Variants in KCTD8 observed in about 807,000 individuals in gnomAD.
The protein encoded by KCTD8 is potassium channel tetramerization domain containing 8, also known as BTB/POZ domain-containing protein KCTD8.
Under a neutral mutation model 31.5 loss-of-function variants are expected in KCTD8, and 27 were observed. The ratio of observed to expected loss-of-function variants is 0.86; its 90% CI spans 0.63 to 1.18. KCTD8 has a LOEUF of 1.18. Among genes scored for constraint, KCTD8 ranks in the 50% most tolerant of loss-of-function variants. The pLI is 0.00. For missense variants in KCTD8, 658 were observed against 647.7 expected (o/e 1.02, Z -0.17); for synonymous variants, 290 against 280.0 (o/e 1.04, Z -0.36).
At chr4:44,383,316 A>G (rs989253741) in intron 1 of KCTD8, among the ~76,000 whole-genome samples, 1 of 152,016 alleles carries the variant, frequency 6.6e-6, no homozygotes, top group African/African-American at 2.4e-5. Flanking sequence ...AGAAAAAAAC[A>G]ATTTTAAAAT....
At chr4:44,247,299 A>T (rs1177209778) in intron 1 of KCTD8, among the ~76,000 whole-genome samples, 1 of 151,952 alleles carries the variant, frequency 6.6e-6, no homozygotes. Context: ...TTGGTGATCC[A>T]CATTTTCCCC....
chr4:44,380,869 A>C (rs1031408647), intron 1 of KCTD8, among the ~76,000 whole-genome samples: 17 of 151,746 alleles, frequency 1.1e-4, no homozygotes, highest in Non-Finnish European at 7.4e-5. Flanking sequence ...ATTATTTTTC[A>C]CTCTTGTCCA....
chr4:44,195,624 C>T (rs1346149581), intron 1 of KCTD8, among the ~76,000 whole-genome samples: 2 of 152,112 alleles, frequency 1.3e-5, no homozygotes, highest in Admixed American at 6.5e-5. Context: ...CTAGAAAAAA[C>T]TTTATAATTA....
Position 44,447,736 on chromosome 4 carries a change from T to C in KCTD8, c.788A>G (p.Glu263Gly), listed in dbSNP as rs939740294. The C allele has an allele frequency of 1.9e-6, 3 of 1,612,016 alleles. No homozygotes were observed. The highest frequency in any genetic ancestry group is 2.5e-6 in the Non-Finnish European group (3 of 1,179,296). ...GAGGTAGAAGCGGGACGTGTACTTC[T>C]CCGGCTGCCGGTCGGGGTCGCGGCT... is the stretch of plus-strand genomic sequence containing the variant. ...NESRDPDRQP[E>G]KYTSRFYLKF... is the part of the protein sequence containing the mutation. Residue 263 changes from glutamate (E) to glycine (G), a missense_variant, in exon 1 of 2, where the codon GAG (glutamate) becomes GGG (glycine). Transcript: ENST00000360029.
At position 44,283,917 on chromosome 4, in the gene KCTD8, C is replaced by T. The variant is rs531113256; in HGVS notation, c.962-108667G>A. On this transcript the variant is annotated intron_variant, in intron 1 of 1. Coordinates refer to ENST00000360029, the MANE Select transcript of KCTD8 (RefSeq NM_198353.3). Reference sequence around the variant, plus strand: ...ATAAAATACCTAGGAATACAACTTACGAAGAATGTGAAGGACCTCTTCAAG... The same window carrying T: ...ATAAAATACCTAGGAATACAACTTATGAAGAATGTGAAGGACCTCTTCAAG... Among the ~76,000 whole-genome samples, 15 of 152,122 alleles carry T rather than the reference C, an allele frequency of 9.9e-5. 1 individual carries two copies. Among genetic ancestry groups the T allele is most frequent in the East Asian group, 7.8e-4 (4 of 5,156 alleles).
chr4:44,340,013 T>C (rs1310343813), intron 1 of KCTD8, among the ~76,000 whole-genome samples: 1 of 151,894 alleles, frequency 6.6e-6, no homozygotes, highest in Non-Finnish European at 1.5e-5. Flanking sequence ...AAATGGTCAA[T>C]AAGCACATAA....
chr4:44,433,777 A>G (rs184802613), intron 1 of KCTD8, among the ~76,000 whole-genome samples: 2 of 151,440 alleles, frequency 1.3e-5, no homozygotes, highest in Non-Finnish European at 3.0e-5. Flanking sequence ...GCCAGCTGCC[A>G]GTTGTCTGAC....
intron 1 of KCTD8, among the ~76,000 whole-genome samples, chr4:44,435,066 T>C (rs996062890): frequency 6.6e-6 from 1 of 152,044 alleles, no homozygotes; most frequent in Non-Finnish European, 1.5e-5. Context: ...TCAACTTGTA[T>C]CTTACCTAAA....
At chr4:44,339,392 A>G (rs538534638) in intron 1 of KCTD8, among the ~76,000 whole-genome samples, 1 of 152,292 alleles carries the variant, frequency 6.6e-6, no homozygotes, top group Admixed American at 6.5e-5. Context: ...ATAAAATTAA[A>G]CCTCAGAAAA....
chr4:44,305,699 A>T (rs893221078), intron 1 of KCTD8, among the ~76,000 whole-genome samples: 3 of 151,910 alleles, frequency 2.0e-5, no homozygotes, highest in Non-Finnish European at 4.4e-5. Flanking sequence ...GAGGAACACC[A>T]CTAACATGAT....
chr4:44,430,152 T>C (rs1430848613), intron 1 of KCTD8, among the ~76,000 whole-genome samples: 1 of 151,824 alleles, frequency 6.6e-6, no homozygotes, highest in Non-Finnish European at 1.5e-5. Context: ...GCTGTCTTCA[T>C]GGATATTCAG....
intron 1 of KCTD8, among the ~76,000 whole-genome samples, chr4:44,370,777 T>C (rs988844755): frequency 2.0e-5 from 3 of 152,122 alleles, no homozygotes; most frequent in Admixed American, 1.3e-4. Flanking sequence ...GTGCAAAAAG[T>C]ATTTCTTTTC....
chr4:44,364,342 T>C (rs758832075), intron 1 of KCTD8, among the ~76,000 whole-genome samples: 5 of 152,086 alleles, frequency 3.3e-5, no homozygotes, highest in Non-Finnish European at 5.9e-5. Context: ...AGTGGCTCAA[T>C]ATGATATGTC....
intron 1 of KCTD8, among the ~76,000 whole-genome samples, chr4:44,190,375 G>A (rs1713729414): frequency 6.6e-6 from 1 of 152,182 alleles, no homozygotes; most frequent in Non-Finnish European, 1.5e-5. Context: ...CTTCACCTAT[G>A]TGAATGATAG....
At chr4:44,266,336 C>G (rs934566730) in intron 1 of KCTD8, among the ~76,000 whole-genome samples, 14 of 151,980 alleles carry the variant, frequency 9.2e-5, no homozygotes, top group Non-Finnish European at 1.9e-4. Flanking sequence ...TACAGACAAG[C>G]AAATGCTGAG....
At chr4:44,311,657 A>G (rs1717954892) in intron 1 of KCTD8, among the ~76,000 whole-genome samples, 1 of 152,036 alleles carries the variant, frequency 6.6e-6, no homozygotes, top group Non-Finnish European at 1.5e-5. Flanking sequence ...TGAAATTATA[A>G]AACAAGTCCA....
At chr4:44,394,675 G>A (rs950030093) in intron 1 of KCTD8, among the ~76,000 whole-genome samples, 3 of 152,048 alleles carry the variant, frequency 2.0e-5, no homozygotes, top group Admixed American at 2.0e-4. Context: ...TATGTCGTAT[G>A]TGCTATAAGA....
intron 1 of KCTD8, among the ~76,000 whole-genome samples, chr4:44,395,216 G>A (rs1280469131): frequency 1.3e-5 from 2 of 152,196 alleles, no homozygotes; most frequent in East Asian, 3.9e-4. Context: ...ATGAGAGAAG[G>A]GAGAGGTAAA....
chr4:44,174,125 C>T lies in KCTD8; in HGVS notation c.*665G>A, dbSNP rs548040689. 6.6e-6 allele frequency: 1 copy of T among 152,368 alleles called. No individual in the cohort carries two copies. Among genetic ancestry groups the T allele is most frequent in the East Asian group, 1.9e-4 (1 of 5,180 alleles). The allele number at this position is 152,368 out of a possible 1,614,324, so 9.4% of individuals were successfully genotyped here. A position where few individuals can be genotyped will look rare whatever the true frequency, so the allele number is the denominator to read the frequency against. On this transcript the variant is annotated 3_prime_UTR_variant, in exon 2 of 2. Coordinates refer to ENST00000360029, the MANE Select transcript of KCTD8 (RefSeq NM_198353.3). ...GGCATATTTACACCATCTTAATATA[C>T]ATAAACACCATACACATACACAAAA...
Sources: allele counts gnomAD v4.1 joint callset (sites outside exome capture counted in the v4.1 genomes callset), GRCh38; gene constraint gnomAD v4.1.1; transcripts MANE v1.5; gene names NCBI Gene and HGNC (gene_info 2026-07-23, HGNC 2026-07-21).